Variants in KCNQ5 observed in about 807,000 individuals in gnomAD.
KCNQ5 encodes the protein potassium voltage-gated channel subfamily Q member 5, also known as potassium voltage-gated channel subfamily KQT member 5.
KCNQ5 carries 30 observed loss-of-function variants against 98.2 expected under a neutral mutation model. The observed-to-expected ratio is 0.31, with a 90% confidence interval of 0.23 to 0.41. The LOEUF is 0.41. Among genes scored for constraint, KCNQ5 ranks in the 10% least tolerant of loss-of-function variants. KCNQ5 has a pLI of 1.00. For missense variants in KCNQ5, 835 were observed against 1,182.5 expected, an observed-to-expected ratio of 0.71 and a Z score of 4.31; for synonymous variants, 458 against 449.4, an observed-to-expected ratio of 1.02 and a Z score of -0.24.
chr6:72,799,233 C>T (rs1328373013), intron 1 of KCNQ5, among the ~76,000 whole-genome samples: 1 of 152,130 alleles, frequency 6.6e-6, no homozygotes, highest in Non-Finnish European at 1.5e-5. Flanking sequence ...AGTCCTGCTG[C>T]CGAATTTCTA....
At chr6:73,118,928 C>T (rs748398803) in intron 7 of KCNQ5, among the ~76,000 whole-genome samples, 7 of 152,060 alleles carry the variant, frequency 4.6e-5, no homozygotes, top group Non-Finnish European at 8.8e-5. Flanking sequence ...GGCTGAGGCA[C>T]GAGCATCGCT....
intron 1 of KCNQ5, among the ~76,000 whole-genome samples, chr6:72,733,903 A>G (rs1027651795): frequency 6.6e-6 from 1 of 152,192 alleles, no homozygotes; most frequent in South Asian, 2.1e-4. Context: ...CATTTTCTCC[A>G]TTAGTGCTCT....
At position 72,887,806 on chromosome 6, in the gene KCNQ5, G is replaced by A. The variant is rs190111636; in HGVS notation, c.399-116102G>A. ...AACTAGCAGACAGAAAAACTAAGAA[G>A]AGGAAAAAAAACCTAATTAGCTTGA... On this transcript the variant is annotated intron_variant, in intron 1 of 13. Transcript: ENST00000370398. Among the ~76,000 whole-genome samples, 38 of 151,914 alleles carry A rather than the reference G, an allele frequency of 2.5e-4. No individual in the cohort carries two copies. The East Asian group carries it at 6.6e-3, about 26-fold the overall frequency.
chr6:72,910,655 C>A (rs1194311822), intron 1 of KCNQ5, among the ~76,000 whole-genome samples: 1 of 151,352 alleles, frequency 6.6e-6, no homozygotes, highest in Non-Finnish European at 1.5e-5. Flanking sequence ...CATACTTTAT[C>A]ACTTCTTACC....
At chr6:73,114,877 ATT>A (rs1775422005) in intron 7 of KCNQ5, among the ~76,000 whole-genome samples, 1 of 152,124 alleles carries the variant, frequency 6.6e-6, no homozygotes, top group Admixed American at 6.5e-5. Context: ...AAATATATAT[ATT>A]TGTCTTGAAA....
intron 1 of KCNQ5, among the ~76,000 whole-genome samples, chr6:72,740,877 C>G (rs561405044): frequency 2.0e-5 from 3 of 152,254 alleles, no homozygotes; most frequent in African/African-American, 7.2e-5. Flanking sequence ...CCTCTAATTA[C>G]GACTTTATTG....
At chr6:72,738,445 A>T (rs1158307652) in intron 1 of KCNQ5, among the ~76,000 whole-genome samples, 5 of 152,036 alleles carry the variant, frequency 3.3e-5, no homozygotes, top group Non-Finnish European at 4.4e-5. Flanking sequence ...TAGGTTCTCA[A>T]CTTTGTCCAT....
At chr6:73,004,125 T>G (rs1041799268) in intron 2 of KCNQ5, 127 bp downstream of exon 2, 3 of 573,470 alleles carry the variant, frequency 5.2e-6, no homozygotes, top group South Asian at 2.7e-5. Flanking sequence ...TATAAAAATG[T>G]CAAAGATTAC....
chr6:72,825,551 C>T (rs1562007414), intron 1 of KCNQ5, among the ~76,000 whole-genome samples: 1 of 152,128 alleles, frequency 6.6e-6, no homozygotes, highest in Non-Finnish European at 1.5e-5. Context: ...TCTCCTTTTC[C>T]TTGGTGACAG....
chr6:72,833,763 T>G (rs183819831), intron 1 of KCNQ5, among the ~76,000 whole-genome samples: 3 of 152,218 alleles, frequency 2.0e-5, no homozygotes, highest in Middle Eastern at 6.8e-3. Flanking sequence ...TTGCATGGGT[T>G]TTTTTCAGTA....
At chr6:72,808,106 G>A (rs1775043320) in intron 1 of KCNQ5, among the ~76,000 whole-genome samples, 1 of 152,208 alleles carries the variant, frequency 6.6e-6, no homozygotes, top group Admixed American at 6.5e-5. Context: ...GGGGCAGGAT[G>A]GGGACAGAAA....
chr6:72,912,953 G>A (rs902095871), intron 1 of KCNQ5, among the ~76,000 whole-genome samples: 1 of 151,980 alleles, frequency 6.6e-6, no homozygotes, highest in African/African-American at 2.4e-5. Context: ...TAATTAATGG[G>A]TACTAGTCTT....
intron 1 of KCNQ5, among the ~76,000 whole-genome samples, chr6:72,875,828 A>G (rs1343952984): frequency 1.3e-5 from 2 of 152,056 alleles, no homozygotes. Context: ...ACAAATATTA[A>G]TTTTTTGTTA....
At chr6:73,039,391 A>G (rs185487165) in intron 2 of KCNQ5, among the ~76,000 whole-genome samples, 121 of 151,430 alleles carry the variant, frequency 8.0e-4, no homozygotes, top group African/African-American at 2.9e-3. Flanking sequence ...TCTTTTTCCA[A>G]TTTCTTGAGG....
At chr6:72,895,082 TC>T (rs373432083) in intron 1 of KCNQ5, among the ~76,000 whole-genome samples, 193 of 126,488 alleles carry the variant, frequency 1.5e-3, no homozygotes, top group African/African-American at 5.7e-3. Flanking sequence ...ATCGAGACCA[TC>T]CTGGCTAACA....
In KCNQ5 at chr6:73,195,249, C is replaced by G. The variant is rs560482661; in HGVS notation, c.2634C>G (p.Pro878=). Residue 878 remains proline, a synonymous_variant, in exon 14 of 14, where the codon CCC becomes CCG. Coordinates refer to ENST00000370398, the MANE Select transcript of KCNQ5 (RefSeq NM_019842.4). ...TTATAACTGATGAAGAGGTGGGTCCCGAAGAGACAGAGACAGACACTTTTG... is the reference window on the plus strand; with the variant it reads ...TTATAACTGATGAAGAGGTGGGTCCGGAAGAGACAGAGACAGACACTTTTG... The part of the protein sequence containing the change: ...KLFITDEEVG[P]EETETDTFDA... The G allele has an allele frequency of 6.2e-7, 1 of 1,614,102 alleles. No homozygotes were observed. Among genetic ancestry groups the G allele is most frequent in the Non-Finnish European group, 8.5e-7 (1 of 1,180,010 alleles).
In KCNQ5 at chr6:72,984,594, C is replaced by T. The variant is rs1459828056; in HGVS notation, c.399-19314C>T. 2.6e-5 allele frequency among the ~76,000 whole-genome samples: 4 copies of T among 152,174 alleles called. 1 individual carries two copies. Among genetic ancestry groups the T allele is most frequent in the African/African-American group, 4.8e-5 (2 of 41,428 alleles). On this transcript the variant is annotated intron_variant, in intron 1 of 13. Transcript: ENST00000370398. ...GCCTAGTATTGGGGTGGCAGTGTCC[C>T]GATTTTCCAGGTACAGTCTGTCACG... is the stretch of plus-strand genomic sequence containing the variant.
intron 1 of KCNQ5, among the ~76,000 whole-genome samples, chr6:72,974,170 A>G (rs1228578226): frequency 1.3e-5 from 2 of 152,252 alleles, no homozygotes; most frequent in Non-Finnish European, 2.9e-5. Flanking sequence ...GTTTTTGTAA[A>G]TAAAGTTTAA....
intron 1 of KCNQ5, among the ~76,000 whole-genome samples, chr6:72,971,336 T>G (rs1283662616): frequency 6.6e-6 from 1 of 152,176 alleles, no homozygotes; most frequent in Non-Finnish European, 1.5e-5. Flanking sequence ...CATTAAAAAG[T>G]CAGGAAACAA....
Sources: gnomAD v4.1 joint callset for allele counts (sites outside exome capture counted in the v4.1 genomes callset) on GRCh38, gnomAD v4.1.1 for gene constraint, MANE v1.5 for transcripts, NCBI Gene and HGNC (gene_info 2026-07-23, HGNC 2026-07-21) for gene names.